TAF10: variants seen among roughly 807,000 people sequenced by gnomAD.
TAF10 encodes TATA-box binding protein associated factor 10.
TAF10 carries 2 observed loss-of-function variants against 18.1 expected under a neutral mutation model. The observed-to-expected ratio is 0.11, with a 90% CI of 0.05 to 0.35. TAF10 has a LOEUF of 0.35. Ranked by LOEUF, TAF10 falls within the 10% of genes least tolerant of loss-of-function variation. The probability of loss-of-function intolerance (pLI) is 1.00; values close to 1 mark genes in which losing one functional copy is unlikely to be tolerated. For missense variants in TAF10, 293 were observed against 306.9 expected (o/e 0.95, Z 0.34); for synonymous variants, 158 against 134.6 (o/e 1.17, Z -1.20).
rs1000443308 is a variant in TAF10, at chr11:6,607,580, C to A, written c.*3342G>T. 1.1e-5 allele frequency: 2 copies of A among 185,786 alleles called. No individual in the cohort carries two copies. Among genetic ancestry groups the A allele is most frequent in the South Asian group, 1.0e-4 (1 of 9,928 alleles). 11.5% of individuals were successfully genotyped at this position (185,786 alleles called of 1,614,324 possible). A position where few individuals can be genotyped will look rare whatever the true frequency, so the allele number is the denominator to read the frequency against. On this transcript the variant is annotated 3_prime_UTR_variant, in exon 5 of 5. Transcript: ENST00000299424. ...CCTTCTCCAAGACACCCTTCTCCCC[C>A]ACTAACATGCACTGAACAGCTGCTG...
Position 6,608,362 on chromosome 11 carries a change from G to A in TAF10, c.*2560C>T, listed in dbSNP as rs764333255. 1 of 1,603,266 alleles carries A rather than the reference G, an allele frequency of 6.2e-7. No homozygotes were observed. ...TCATTTGGAACTGACTGTACTTTCT[G>A]CCTCTTCTTTTTGTCTGGCCATGGG... On this transcript the variant is annotated 3_prime_UTR_variant, in exon 5 of 5. Coordinates refer to ENST00000299424, the MANE Select transcript of TAF10 (RefSeq NM_006284.4). The surrounding 1 kb of genome is among the most constrained non-coding windows in gnomAD (Gnocchi z 4.9).
chr11:6,609,687 A>G lies in TAF10; in HGVS notation c.*1235T>C. 6.2e-7 allele frequency: 1 copy of G among 1,614,128 alleles called. No homozygotes were observed. Among genetic ancestry groups the G allele is most frequent in the Middle Eastern group, 1.6e-4 (1 of 6,062 alleles). ...CTTGGGGAGGAAATGGCAGAGAGGG[A>G]GCCTCTCTGAACTATTTGACTTTTG... On this transcript the variant is annotated 3_prime_UTR_variant, in exon 5 of 5. Transcript: ENST00000299424.
At position 6,606,849 on chromosome 11, in the gene TAF10, A is replaced by T. The variant is rs1045297614; in HGVS notation, c.*4073T>A. 1 of 152,244 alleles carries T rather than the reference A, an allele frequency of 6.6e-6. No homozygotes were observed. The highest frequency in any genetic ancestry group is 1.5e-5 in the Non-Finnish European group (1 of 68,066). 9.4% of individuals were successfully genotyped at this position (152,244 alleles called of 1,614,324 possible). ...GCGCCACAGGCAGTACTGGAAGCTG[A>T]TAAGTCAGGGCACAAATTAAAGGTC... On this transcript the variant is annotated 3_prime_UTR_variant, in exon 5 of 5. Coordinates refer to ENST00000299424, the MANE Select transcript of TAF10 (RefSeq NM_006284.4).
In TAF10 at chr11:6,610,310, G is replaced by A. The variant is rs765395709; in HGVS notation, c.*612C>T. ...GCACAACAGCATACATTTGTGTTGC[G>A]GGAGTGGTTGGTGATGGTGAAAATA... On this transcript the variant is annotated 3_prime_UTR_variant, in exon 5 of 5. Transcript: ENST00000299424. 3.7e-5 allele frequency: 60 copies of A among 1,613,948 alleles called. No individual in the cohort carries two copies. Among genetic ancestry groups the A allele is most frequent in the Admixed American group, 5.0e-5 (3 of 60,032 alleles).
In TAF10 at chr11:6,611,240, C is replaced by T. The variant is rs964465435; in HGVS notation, c.516G>A (p.Gln172=). Residue 172 remains glutamine (Q), a synonymous_variant, in exon 4 of 5, where the codon CAG becomes CAA. Coordinates refer to ENST00000299424, the MANE Select transcript of TAF10 (RefSeq NM_006284.4). ...FISDIANDAL[Q]HCKMKGTASG... ...AGGCCGTGCCCTTCATTTTGCAGTG[C>T]TGTAGGGCATCATTGGCAATATCTG... is the stretch of plus-strand genomic sequence containing the variant. 6.2e-7 allele frequency: 1 copy of T among 1,614,084 alleles called. No homozygotes were observed. Among genetic ancestry groups the T allele is most frequent in the Non-Finnish European group, 8.5e-7 (1 of 1,180,028 alleles).
intron 1 of TAF10, 48 bp from the exon 2 acceptor site, chr11:6,611,866 C>A (rs374091955): frequency 1.4e-4 from 223 of 1,578,978 alleles, no homozygotes; most frequent in Non-Finnish European, 1.8e-4. Context: ...AGGCGCAGGG[C>A]CCCAGCTAGG....
At position 6,611,799 on chromosome 11, in the gene TAF10, G is replaced by A. The variant is rs1250485064; in HGVS notation, c.252C>T (p.Gly84=). The A allele has an allele frequency of 5.6e-6, 9 of 1,601,418 alleles. No individual in the cohort carries two copies. The highest frequency in any genetic ancestry group is 3.3e-5 in the South Asian group (3 of 90,152). ...ATATGGCCCCCTCCGGGGGCGCCGC[G>A]CCACCCGCCGACACCGGAGCTGGAG... ...RRGAAPVSAG[G]AAPPEGAISN... is the part of the protein sequence containing the mutation. Residue 84 remains glycine, a synonymous_variant, in exon 2 of 5, where the codon GGC becomes GGT. Transcript: ENST00000299424.
In TAF10 at chr11:6,610,832, G is replaced by C; in HGVS notation, c.*90C>G. 6.7e-7 allele frequency: 1 copy of C among 1,491,960 alleles called. No homozygotes were observed. Among genetic ancestry groups the C allele is most frequent in the South Asian group, 1.2e-5 (1 of 86,690 alleles). 92.4% of individuals were successfully genotyped at this position (1,491,960 alleles called of 1,614,324 possible). Reference sequence around the variant, plus strand: ...ACATGGTGTCTCCCAACATGGGAGGGATCAGCCCCGCCTGTCACAATAAAG... The same window carrying C: ...ACATGGTGTCTCCCAACATGGGAGGCATCAGCCCCGCCTGTCACAATAAAG... On this transcript the variant is annotated 3_prime_UTR_variant, in exon 5 of 5. Transcript: ENST00000299424.
chr11:6,610,449 C>T lies in TAF10; in HGVS notation c.*473G>A. On this transcript the variant is annotated 3_prime_UTR_variant, in exon 5 of 5. Transcript: ENST00000299424. ...CTCAAATTGTGAGGCTGCTTTTTTT[C>T]TTGTATTCGCAGGTGGCATTGGAAG... The T allele has an allele frequency of 1.2e-6, 2 of 1,614,144 alleles. No individual in the cohort carries two copies. Among genetic ancestry groups the T allele is most frequent in the Non-Finnish European group, 8.5e-7 (1 of 1,180,022 alleles).
Position 6,611,219 on chromosome 11 carries a change from C to T in TAF10, c.537G>A (p.Thr179=), listed in dbSNP as rs12451. 0.23 allele frequency: 363,812 copies of T among 1,613,790 alleles called. 42,590 individuals are homozygous for T. Among genetic ancestry groups the T allele is most frequent in the Non-Finnish European group, 0.24 (283,452 of 1,179,854 alleles). Residue 179 remains threonine, a synonymous_variant, in exon 4 of 5, where the codon ACG becomes ACA. Coordinates refer to ENST00000299424, the MANE Select transcript of TAF10 (RefSeq NM_006284.4). ...DALQHCKMKG[T]ASGSSRSKSK... ...TCTTGCTCCGGGAGCTGCCGGAGGC[C>T]GTGCCCTTCATTTTGCAGTGCTGTA...
In TAF10 at chr11:6,608,329, C is replaced by T. The variant is rs1201211526; in HGVS notation, c.*2593G>A. 28 of 1,570,586 alleles carry T rather than the reference C, an allele frequency of 1.8e-5. No individual in the cohort carries two copies. In the Admixed American group the frequency reaches 4.5e-4, roughly 25 times the overall value. ...TTCCCCCTTTTCCCATGCCCTGACA[C>T]CAGTATCTCATTTGGAACTGACTGT... On this transcript the variant is annotated 3_prime_UTR_variant, in exon 5 of 5. Coordinates refer to ENST00000299424, the MANE Select transcript of TAF10 (RefSeq NM_006284.4). The surrounding 1 kb of genome is among the most constrained non-coding windows in gnomAD (Gnocchi z 4.9).
Position 6,609,454 on chromosome 11 carries a change from G to A in TAF10, c.*1468C>T. Reference sequence around the variant, plus strand: ...GAAGCTGCTAGTTCCAAGGAACCCTGAATAGCACTGAAAGAGATCTTTTGT... The same window carrying A: ...GAAGCTGCTAGTTCCAAGGAACCCTAAATAGCACTGAAAGAGATCTTTTGT... On this transcript the variant is annotated 3_prime_UTR_variant, in exon 5 of 5. Coordinates refer to ENST00000299424, the MANE Select transcript of TAF10 (RefSeq NM_006284.4). 6.2e-7 allele frequency: 1 copy of A among 1,613,924 alleles called. No individual in the cohort carries two copies. The highest frequency in any genetic ancestry group is 8.5e-7 in the Non-Finnish European group (1 of 1,179,886).
At chr11:6,611,860 GCAGGGCCCCAGC>G (rs1387515173) in intron 1 of TAF10, 42 bp from the exon 2 acceptor site, 1 of 1,585,568 alleles carries the variant, frequency 6.3e-7, no homozygotes, top group East Asian at 2.3e-5. Context: ...GGTGGGAGGC[GCAGGGCCCCAGC>G]TAGGTCTGTC....
At position 6,609,281 on chromosome 11, in the gene TAF10, C is replaced by G. The variant is rs377752465; in HGVS notation, c.*1641G>C. The G allele has an allele frequency of 6.2e-6, 10 of 1,611,890 alleles. No homozygotes were observed. Among genetic ancestry groups the G allele is most frequent in the Admixed American group, 5.0e-5 (3 of 60,006 alleles). On this transcript the variant is annotated 3_prime_UTR_variant, in exon 5 of 5. Transcript: ENST00000299424. ...GGCAGCAACATTTCAAGCCTCCTAA[C>G]CCCTACCTGTCCTGCAGCTATGGAA...
In TAF10 at chr11:6,608,255, G is replaced by A; in HGVS notation, c.*2667C>T. Reference sequence around the variant, plus strand: ...GTCATCCACATCACATACATGCCATGAGGGTCAGTCACAGGCACTGTAACA... The same window carrying A: ...GTCATCCACATCACATACATGCCATAAGGGTCAGTCACAGGCACTGTAACA... On this transcript the variant is annotated 3_prime_UTR_variant, in exon 5 of 5. Coordinates refer to ENST00000299424, the MANE Select transcript of TAF10 (RefSeq NM_006284.4). This position sits in a 1 kb window ranked among gnomAD's most constrained non-coding sequence, Gnocchi z 4.9. 1.2e-6 allele frequency: 2 copies of A among 1,608,626 alleles called. No homozygotes were observed. The highest frequency in any genetic ancestry group is 1.7e-6 in the Non-Finnish European group (2 of 1,174,958).
In TAF10 at chr11:6,611,457, G is replaced by A. The variant is rs1305799913; in HGVS notation, c.388-5C>T. 2.5e-6 allele frequency: 4 copies of A among 1,613,992 alleles called. No homozygotes were observed. The African/African-American group carries it at 4.0e-5, about 16-fold the overall frequency. On this transcript the variant is annotated splice_polypyrimidine_tract_variant and splice_region_variant and intron_variant, in intron 2 of 4. Transcript: ENST00000299424. ...ACCAGTCACTGCATCTGGGATCTGA[G>A]AAATCAATTAAGAGAACTGTCAGCA...
At chr11:6,611,912 C>G in intron 1 of TAF10, 46 bp downstream of exon 1, 2 of 1,575,562 alleles carry the variant, frequency 1.3e-6, no homozygotes, top group Non-Finnish European at 1.7e-6. Context: ...CGCCGCTGGA[C>G]CCAGCCCAAG....
Position 6,607,702 on chromosome 11 carries a change from A to G in TAF10, c.*3220T>C. 1 of 352,644 alleles carries G rather than the reference A, an allele frequency of 2.8e-6. No individual in the cohort carries two copies. Among genetic ancestry groups the G allele is most frequent in the Non-Finnish European group, 5.4e-6 (1 of 183,688 alleles). 21.8% of individuals were successfully genotyped at this position (352,644 alleles called of 1,614,324 possible). A position where few individuals can be genotyped will look rare whatever the true frequency, so the allele number is the denominator to read the frequency against. On this transcript the variant is annotated 3_prime_UTR_variant, in exon 5 of 5. Coordinates refer to ENST00000299424, the MANE Select transcript of TAF10 (RefSeq NM_006284.4). ...GTGCAACAAGTGCTGAAGTAGGGGG[A>G]CATATAAGATGTGGTGGAAAACAGA...
chr11:6,611,373 C>T lies in TAF10; in HGVS notation c.452+15G>A, dbSNP rs1855455600. The T allele has an allele frequency of 6.2e-7, 1 of 1,614,134 alleles. No individual in the cohort carries two copies. The highest frequency in any genetic ancestry group is 1.3e-5 in the African/African-American group (1 of 75,042). On this transcript the variant is annotated intron_variant, in intron 3 of 4. Coordinates refer to ENST00000299424, the MANE Select transcript of TAF10 (RefSeq NM_006284.4). ...GCACAAGCACCCAAAACTAACCTGC[C>T]CTGGGTTTACTCACATGCGTGGGTC...
Sources: allele counts gnomAD v4.1 joint callset, GRCh38; gene constraint gnomAD v4.1.1; non-coding constraint Gnocchi (gnomAD v3.1); transcripts MANE v1.5; gene names NCBI Gene and HGNC (gene_info 2026-07-23, HGNC 2026-07-21).